Variants in FAM184B observed in about 807,000 individuals in gnomAD.
The protein encoded by FAM184B is family with sequence similarity 184 member B.
FAM184B carries 111 observed loss-of-function variants against 135.9 expected under a neutral mutation model. The observed-to-expected ratio is 0.82, with a 90% CI of 0.70 to 0.96. The LOEUF is 0.96. Among genes scored for constraint, FAM184B ranks in the 40% least tolerant of loss-of-function variants. The probability of loss-of-function intolerance (pLI) is 0.00; values close to 1 mark genes in which losing one functional copy is unlikely to be tolerated. For synonymous variants in FAM184B, 552 were observed against 524.8 expected, an observed-to-expected ratio of 1.05 and a Z score of -0.71; for missense variants, 1,375 against 1,323.9, an observed-to-expected ratio of 1.04 and a Z score of -0.60.
chr4:17,718,368 C>T (rs925077732), intron 1 of FAM184B, among the ~76,000 whole-genome samples: 1 of 152,056 alleles, frequency 6.6e-6, no homozygotes, highest in East Asian at 1.9e-4. Flanking sequence ...TGGTAATATG[C>T]TTTTACTCAA....
intron 1 of FAM184B, among the ~76,000 whole-genome samples, chr4:17,749,161 G>C (rs1718240847): frequency 6.6e-6 from 1 of 151,824 alleles, no homozygotes; most frequent in Non-Finnish European, 1.5e-5. Flanking sequence ...TTTTTAAAGA[G>C]TATATATGTT....
At chr4:17,666,299 G>A (rs1716046877) in intron 7 of FAM184B, among the ~76,000 whole-genome samples, 1 of 143,692 alleles carries the variant, frequency 7.0e-6, no homozygotes, top group African/African-American at 2.7e-5. Context: ...TTTATTCCCT[G>A]GAATTCTTTT....
chr4:17,695,616 G>C (rs1716838288), intron 5 of FAM184B, among the ~76,000 whole-genome samples: 1 of 152,078 alleles, frequency 6.6e-6, no homozygotes, highest in African/African-American at 2.4e-5. Context: ...TGGGAGGAGG[G>C]GTAGAACTTG....
At chr4:17,679,374 A>G (rs6820566) in intron 7 of FAM184B, among the ~76,000 whole-genome samples, 2,608 of 152,260 alleles carry the variant, frequency 0.017, 74 homozygotes, top group East Asian at 0.097. Flanking sequence ...TGAATAGACA[A>G]TTCTCAAAAG....
rs1387461152 is a variant in FAM184B at position 17,629,646 on chromosome 4, C to G, written c.*2886G>C. 6.6e-6 allele frequency: 1 copy of G among 152,104 alleles called. No individual in the cohort carries two copies. Among genetic ancestry groups the G allele is most frequent in the Non-Finnish European group, 1.5e-5 (1 of 68,018 alleles). 9.4% of individuals were successfully genotyped at this position (152,104 alleles called of 1,614,324 possible). A position where few individuals can be genotyped will look rare whatever the true frequency, so the allele number is the denominator to read the frequency against. ...ATTTACCATTAAATACTGTTTTTTT[C>G]TCTCTCTTAACTTAATCCCGAATTG... On this transcript the variant is annotated 3_prime_UTR_variant, in exon 18 of 18. Coordinates refer to ENST00000265018, the MANE Select transcript of FAM184B (RefSeq NM_015688.2).
chr4:17,712,162 A>T (rs780947908), intron 1 of FAM184B, among the ~76,000 whole-genome samples: 1 of 152,224 alleles, frequency 6.6e-6, no homozygotes, highest in Non-Finnish European at 1.5e-5. Flanking sequence ...TGGGTGTGAC[A>T]GAAAGAGAAG....
At chr4:17,641,662 T>TTTTTTTTTGTA (rs1715319776) in intron 13 of FAM184B, among the ~76,000 whole-genome samples, 1 of 122,050 alleles carries the variant, frequency 8.2e-6, no homozygotes, top group Non-Finnish European at 1.7e-5. Flanking sequence ...TTTTTTTTTT[T>TTTTTTTTTGTA]TTTTTTTTTG....
chr4:17,744,604 C>T (rs1718118726), intron 1 of FAM184B, among the ~76,000 whole-genome samples: 2 of 151,814 alleles, frequency 1.3e-5, no homozygotes, highest in Admixed American at 1.3e-4. Context: ...CCTGTAATCC[C>T]AGCTATTCAG....
chr4:17,717,883 T>C (rs984735662), intron 1 of FAM184B, among the ~76,000 whole-genome samples: 1 of 152,220 alleles, frequency 6.6e-6, no homozygotes, highest in African/African-American at 2.4e-5. Flanking sequence ...AATTAATCTA[T>C]TTAGGTTGGT....
chr4:17,745,380 C>T (rs542226203), intron 1 of FAM184B, among the ~76,000 whole-genome samples: 1 of 152,156 alleles, frequency 6.6e-6, no homozygotes, highest in Non-Finnish European at 1.5e-5. Flanking sequence ...CACAACAAAG[C>T]TTGATTTCCC....
chr4:17,653,935 A>AGGGGGGAGGGGGAGGGGGGGGGGGG (rs1715714222), intron 10 of FAM184B, among the ~76,000 whole-genome samples: 1 of 145,474 alleles, frequency 6.9e-6, no homozygotes, highest in Non-Finnish European at 1.5e-5. Flanking sequence ...GGGGAGGGGG[A>AGGGGGGAGGGGGAGGGGGGGGGGGG]TTTGAAGCTG....
At chr4:17,763,746 C>A (rs1244886729) in intron 1 of FAM184B, among the ~76,000 whole-genome samples, 1 of 152,156 alleles carries the variant, frequency 6.6e-6, no homozygotes, top group East Asian at 1.9e-4. Context: ...AATGATAAGC[C>A]TTTTAATGGA....
At chr4:17,756,332 C>T (rs1055847030) in intron 1 of FAM184B, among the ~76,000 whole-genome samples, 1 of 152,076 alleles carries the variant, frequency 6.6e-6, no homozygotes, top group Non-Finnish European at 1.5e-5. Flanking sequence ...TTTCTCTAAC[C>T]AAAAATTAGT....
intron 1 of FAM184B, among the ~76,000 whole-genome samples, chr4:17,765,596 T>G (rs993441116): frequency 2.0e-5 from 3 of 152,224 alleles, no homozygotes; most frequent in African/African-American, 4.8e-5. Flanking sequence ...CTTTGGCCAG[T>G]CTGCCTTCAA....
intron 7 of FAM184B, among the ~76,000 whole-genome samples, chr4:17,680,389 C>A (rs1195398627): frequency 6.6e-6 from 1 of 152,016 alleles, no homozygotes; most frequent in Non-Finnish European, 1.5e-5. Context: ...TAGATTTGAA[C>A]ACATGTTCAA....
intron 12 of FAM184B, among the ~76,000 whole-genome samples, chr4:17,645,391 G>A (rs1327058719): frequency 6.6e-6 from 1 of 152,034 alleles, no homozygotes; most frequent in Non-Finnish European, 1.5e-5. Flanking sequence ...ATAGACCAAT[G>A]GAACACAACA....
chr4:17,689,591 T>C (rs1435578517), intron 6 of FAM184B, among the ~76,000 whole-genome samples: 1 of 152,112 alleles, frequency 6.6e-6, no homozygotes, highest in Non-Finnish European at 1.5e-5. Context: ...GAGCACCTCC[T>C]TAATGGTCCA....
chr4:17,651,561 A>AAAAG (rs1715618585), intron 11 of FAM184B, among the ~76,000 whole-genome samples: 1 of 150,980 alleles, frequency 6.6e-6, no homozygotes, highest in African/African-American at 2.4e-5. Flanking sequence ...AAAAAAAAAA[A>AAAAG]AAGAAGAAAA....
In FAM184B at chr4:17,774,792, A is replaced by G. The variant is rs1341370991; in HGVS notation, c.141+6367T>C. 2.0e-5 allele frequency among the ~76,000 whole-genome samples: 3 copies of G among 152,326 alleles called. No individual in the cohort carries two copies. The East Asian group carries it at 5.8e-4, about 29-fold the overall frequency. On this transcript the variant is annotated intron_variant, in intron 1 of 17. Coordinates refer to ENST00000265018, the MANE Select transcript of FAM184B (RefSeq NM_015688.2). The stretch of plus-strand genomic sequence containing the variant: ...TTAGGGAATAACCGACAGAAAAAGA[A>G]CAGTACAAAGAACATCCACATACTC...
Sources: gnomAD v4.1 joint callset for allele counts (sites outside exome capture counted in the v4.1 genomes callset) on GRCh38, gnomAD v4.1.1 for gene constraint, MANE v1.5 for transcripts, NCBI Gene and HGNC (gene_info 2026-07-23, HGNC 2026-07-21) for gene names.